OLFM3: variants seen among roughly 807,000 people sequenced by gnomAD.
OLFM3 encodes the protein noelin-3.
OLFM3 carries 20 observed loss-of-function variants against 48.6 expected under a neutral mutation model. The ratio of observed to expected loss-of-function variants is 0.41; its 90% CI spans 0.29 to 0.60. The LOEUF is 0.60. OLFM3 is among the 20% of genes least tolerant of loss of function. The pLI is 0.28. For synonymous variants in OLFM3, 222 were observed against 198.1 expected, an observed-to-expected ratio of 1.12 and a Z score of -1.01; for missense variants, 437 against 544.3, an observed-to-expected ratio of 0.80 and a Z score of 1.96.
intron 3 of OLFM3, among the ~76,000 whole-genome samples, chr1:101,828,641 A>G (rs1457953019): frequency 6.6e-6 from 1 of 152,162 alleles, no homozygotes; most frequent in Non-Finnish European, 1.5e-5. Context: ...AAAGTTCCCA[A>G]AGATGAACAT....
intron 1 of OLFM3, among the ~76,000 whole-genome samples, chr1:101,993,100 A>G (rs1030813056): frequency 3.3e-5 from 5 of 152,168 alleles, no homozygotes; most frequent in African/African-American, 7.2e-5. Context: ...AGCAGTCACA[A>G]TGGTGTGCAG....
chr1:101,956,700 A>G (rs1033760894), intron 1 of OLFM3, among the ~76,000 whole-genome samples: 3 of 151,890 alleles, frequency 2.0e-5, no homozygotes, highest in Non-Finnish European at 4.4e-5. Context: ...AAAGCTTGAT[A>G]TTTTGAATAG....
At chr1:101,901,368 A>G (rs948519611) in intron 1 of OLFM3, among the ~76,000 whole-genome samples, 2 of 152,138 alleles carry the variant, frequency 1.3e-5, no homozygotes, top group African/African-American at 4.8e-5. Context: ...TAGTGGAGAC[A>G]ATCAAATGAG....
intron 1 of OLFM3, among the ~76,000 whole-genome samples, chr1:101,923,473 G>T (rs1011274626): frequency 3.9e-5 from 6 of 152,236 alleles, no homozygotes; most frequent in African/African-American, 1.4e-4. Context: ...TGAAAATAGG[G>T]ATGTCTCAAG....
chr1:101,976,756 A>G (rs1660965592), intron 1 of OLFM3, among the ~76,000 whole-genome samples: 1 of 152,182 alleles, frequency 6.6e-6, no homozygotes, highest in Admixed American at 6.6e-5. Flanking sequence ...TATATTCTGT[A>G]AATTAGAAAA....
chr1:101,813,113 CT>C (rs1398614157), intron 4 of OLFM3: 5 of 1,288,824 alleles, frequency 3.9e-6, no homozygotes, highest in Non-Finnish European at 5.1e-6. Flanking sequence ...TTTCTGTTGC[CT>C]TTTTTCTTCT....
At chr1:101,996,488 G>A (rs553659569) in intron 1 of OLFM3, among the ~76,000 whole-genome samples, 5 of 152,186 alleles carry the variant, frequency 3.3e-5, no homozygotes, top group African/African-American at 1.2e-4. Flanking sequence ...TAAATTCCCC[G>A]GAGAGCCGCA....
intron 1 of OLFM3, among the ~76,000 whole-genome samples, chr1:101,968,100 A>G (rs1242417699): frequency 6.6e-6 from 1 of 152,224 alleles, no homozygotes; most frequent in Non-Finnish European, 1.5e-5. Context: ...TGAGGCAACA[A>G]AACGAGTGGC....
At chr1:101,879,183 T>A (rs1657418010) in intron 1 of OLFM3, among the ~76,000 whole-genome samples, 1 of 151,754 alleles carries the variant, frequency 6.6e-6, no homozygotes, top group South Asian at 2.1e-4. Context: ...GAGAATCCAT[T>A]TTTTTGCTTA....
intron 1 of OLFM3, among the ~76,000 whole-genome samples, chr1:101,977,909 A>G (rs1409509685): frequency 6.6e-6 from 1 of 152,140 alleles, no homozygotes; most frequent in Non-Finnish European, 1.5e-5. Context: ...GAAAAATAAT[A>G]TGTTTATACT....
intron 1 of OLFM3, among the ~76,000 whole-genome samples, chr1:101,844,901 C>T (rs1479526646): frequency 6.6e-6 from 1 of 152,116 alleles, no homozygotes. Context: ...CTAGCATTAA[C>T]ATTTTATGTT....
intron 4 of OLFM3, among the ~76,000 whole-genome samples, chr1:101,818,480 T>C (rs1452839962): frequency 6.6e-6 from 1 of 152,146 alleles, no homozygotes; most frequent in Admixed American, 6.6e-5. Flanking sequence ...AAGACTGTTT[T>C]TGGTAAATGA....
chr1:101,812,552 G>A, intron 4 of OLFM3: 2 of 985,302 alleles, frequency 2.0e-6, no homozygotes, highest in South Asian at 9.4e-5. Context: ...ACTGTCCTTG[G>A]AGCTCTGAAT....
chr1:101,987,149 C>T (rs1661264993), intron 1 of OLFM3, among the ~76,000 whole-genome samples: 1 of 152,174 alleles, frequency 6.6e-6, no homozygotes, highest in African/African-American at 2.4e-5. Context: ...GAAGCTTTGG[C>T]ATCAATGAGG....
intron 4 of OLFM3, among the ~76,000 whole-genome samples, chr1:101,806,747 C>T (rs1209458560): frequency 6.6e-6 from 1 of 151,568 alleles, no homozygotes; most frequent in Non-Finnish European, 1.5e-5. Flanking sequence ...AGGTAAATGC[C>T]TTATACAGCT....
chr1:101,982,368 A>T (rs374190114), intron 1 of OLFM3, among the ~76,000 whole-genome samples: 2 of 152,262 alleles, frequency 1.3e-5, no homozygotes, highest in South Asian at 2.1e-4. Context: ...AAATAAATAG[A>T]TCATCCATAG....
intron 1 of OLFM3, among the ~76,000 whole-genome samples, chr1:101,880,326 A>G (rs1279667639): frequency 6.6e-6 from 1 of 151,790 alleles, no homozygotes; most frequent in Non-Finnish European, 1.5e-5. Context: ...CAGTCCCACA[A>G]ACTCTGAAGC....
intron 1 of OLFM3, among the ~76,000 whole-genome samples, chr1:101,943,456 C>A (rs563726753): frequency 4.6e-5 from 7 of 152,172 alleles, no homozygotes; most frequent in African/African-American, 1.7e-4. Context: ...CATTTACTGG[C>A]ACAAACGTAT....
intron 1 of OLFM3, among the ~76,000 whole-genome samples, chr1:101,904,951 G>T (rs1658506197): frequency 1.3e-5 from 2 of 152,062 alleles, no homozygotes; most frequent in Non-Finnish European, 2.9e-5. Context: ...ACAATAGAAG[G>T]TAGAAAGTGG....
Sources: allele counts gnomAD v4.1 joint callset (sites outside exome capture counted in the v4.1 genomes callset), GRCh38; gene constraint gnomAD v4.1.1; transcripts MANE v1.5; gene names NCBI Gene and HGNC (gene_info 2026-07-23, HGNC 2026-07-21).